The following DNAH7 variants were observed in gnomAD, a reference collection of about 807,000 sequenced individuals.
DNAH7 encodes dynein axonemal heavy chain 7, also known as axonemal beta dynein heavy chain 7.
A neutral mutation model predicts 444.6 loss-of-function variants in DNAH7; 397 were observed. The ratio of observed to expected loss-of-function variants is 0.89; its 90% CI spans 0.82 to 0.97. The LOEUF (loss-of-function observed/expected upper bound fraction) is 0.97, where lower values mean the gene tolerates loss of function less well. Ranked by LOEUF, DNAH7 falls within the 50% of genes least tolerant of loss-of-function variation. The probability of loss-of-function intolerance (pLI) is 0.00; values close to 1 mark genes in which losing one functional copy is unlikely to be tolerated. For missense variants in DNAH7, 4,902 were observed against 4,800.8 expected (o/e 1.02, Z -0.62); for synonymous variants, 1,636 against 1,624.4 (o/e 1.01, Z -0.17).
At chr2:195,933,659 A>G (rs566785080) in intron 21 of DNAH7, among the ~76,000 whole-genome samples, 4 of 150,938 alleles carry the variant, frequency 2.7e-5, no homozygotes, top group Non-Finnish European at 5.9e-5. Flanking sequence ...ACAAAAAACC[A>G]AACACCGCAT....
intron 49 of DNAH7, among the ~76,000 whole-genome samples, chr2:195,818,799 C>A (rs966780277): frequency 2.6e-5 from 4 of 152,120 alleles, no homozygotes; most frequent in African/African-American, 4.8e-5. Context: ...ACCTTGGCTT[C>A]ATTTGAAATC....
chr2:195,778,639 AATAAAT>A (rs1165155559), intron 58 of DNAH7, among the ~76,000 whole-genome samples: 1 of 51,712 alleles, frequency 1.9e-5, no homozygotes, highest in African/African-American at 9.9e-5. Flanking sequence ...AAAATAAATA[AATAAAT>A]ATATATATAT....
chr2:195,799,868 T>C (rs191271910), intron 54 of DNAH7, among the ~76,000 whole-genome samples: 35 of 152,268 alleles, frequency 2.3e-4, no homozygotes, highest in African/African-American at 5.5e-4. Flanking sequence ...CCAGAAAGAA[T>C]TGATGTCACT....
At chr2:196,005,710 T>G (rs947578986) in intron 10 of DNAH7, among the ~76,000 whole-genome samples, 1 of 151,982 alleles carries the variant, frequency 6.6e-6, no homozygotes, top group Admixed American at 6.6e-5. Flanking sequence ...AGAGATCAAA[T>G]TAATATTAAT....
chr2:195,872,273 T>G lies in DNAH7; in HGVS notation c.6610A>C (p.Ile2204Leu), dbSNP rs1440012458. The change falls in exon 40 of 65, where the codon ATT becomes CTT. Residue 2204 changes from isoleucine to leucine, a missense_variant. By Grantham distance (5) the Ile-to-Leu change is conservative (BLOSUM62 2). Coordinates refer to ENST00000312428, the MANE Select transcript of DNAH7 (RefSeq NM_018897.3). ...ACCTCATGAACCCAAAGACGTTTAA[T>G]CACTTCTGTGGTTTCTGTTGTTTCT... ...RPETTETTEV[I>L]KRLWVHEVLR... 2 of 1,613,366 alleles carry G rather than the reference T, an allele frequency of 1.2e-6. No homozygotes were observed. The highest frequency in any genetic ancestry group is 8.5e-7 in the Non-Finnish European group (1 of 1,179,620).
At position 195,936,757 on chromosome 2, in the gene DNAH7, T is replaced by C. The variant is rs1689081321; in HGVS notation, c.3114A>G (p.Arg1038=). ...TAGATTTTTTCAGCCTTTCCAGCATTCTGTCAATGGTTACAACTGTCAGAA... is the reference window on the plus strand; with the variant it reads ...TAGATTTTTTCAGCCTTTCCAGCATCCTGTCAATGGTTACAACTGTCAGAA... ...KHVLTVVTID[R]MLERLKKSNE... The change falls in exon 20 of 65, where the codon AGA becomes AGG. Residue 1038 remains arginine (R), a synonymous_variant. Transcript: ENST00000312428. 5 of 1,589,910 alleles carry C rather than the reference T, an allele frequency of 3.1e-6. No homozygotes were observed. The highest frequency in any genetic ancestry group is 4.3e-6 in the Non-Finnish European group (5 of 1,170,526).
chr2:196,039,411 A>G (rs1357438328), intron 5 of DNAH7, among the ~76,000 whole-genome samples: 2 of 152,218 alleles, frequency 1.3e-5, no homozygotes, highest in Non-Finnish European at 2.9e-5. Context: ...TCAAATAAAC[A>G]ACATAAAAAC....
At chr2:195,871,724 G>T (rs1236713425) in intron 40 of DNAH7, among the ~76,000 whole-genome samples, 2 of 84,082 alleles carry the variant, frequency 2.4e-5, no homozygotes, top group Non-Finnish European at 4.2e-5. Flanking sequence ...GAGGTCAGGA[G>T]ATCGAGACCA....
At chr2:195,747,748 C>G (rs1283855838) in intron 63 of DNAH7, among the ~76,000 whole-genome samples, 9 of 152,140 alleles carry the variant, frequency 5.9e-5, no homozygotes, top group South Asian at 2.1e-4. Flanking sequence ...ATGATTATCT[C>G]AATAGATGCA....
At chr2:195,958,812 C>G (rs1690876947) in intron 18 of DNAH7, among the ~76,000 whole-genome samples, 1 of 152,116 alleles carries the variant, frequency 6.6e-6, no homozygotes, top group Admixed American at 6.6e-5. Flanking sequence ...ATTGTAACAT[C>G]TATTTATCAA....
intron 47 of DNAH7, among the ~76,000 whole-genome samples, chr2:195,837,284 T>C (rs776369155): frequency 7.2e-5 from 11 of 152,202 alleles, no homozygotes; most frequent in Non-Finnish European, 1.6e-4. Context: ...GCACAGAAAA[T>C]ACTTGTCCAA....
chr2:195,856,075 CTTACTA>C (rs1699686097), intron 44 of DNAH7, 84 bp from the exon 45 acceptor site: 1 of 1,239,648 alleles, frequency 8.1e-7, no homozygotes, highest in Non-Finnish European at 1.1e-6. Context: ...TTCTAATACC[CTTACTA>C]TAACTGAAAA....
chr2:195,990,840 T>TATATATACTTAAATATATATAC (rs1693265642), intron 12 of DNAH7, among the ~76,000 whole-genome samples: 6 of 145,998 alleles, frequency 4.1e-5, no homozygotes, highest in South Asian at 4.2e-4. Flanking sequence ...TATATATACA[T>TATATATACTTAAATATATATAC]ATATATACTT....
At chr2:196,000,957 A>G (rs1693997777) in intron 11 of DNAH7, 74 bp from the exon 12 acceptor site, 3 of 1,186,368 alleles carry the variant, frequency 2.5e-6, no homozygotes, top group South Asian at 4.4e-5. Context: ...ACCAGTCCCA[A>G]TTAGAATACA....
At chr2:195,972,161 T>C (rs1691888883) in intron 16 of DNAH7, 81 bp downstream of exon 16, 1 of 1,186,438 alleles carries the variant, frequency 8.4e-7, no homozygotes, top group Non-Finnish European at 1.2e-6. Flanking sequence ...TGCACTCAAA[T>C]AAAATAATTG....
chr2:195,869,849 T>C (rs1241561119), intron 40 of DNAH7, among the ~76,000 whole-genome samples: 1 of 152,210 alleles, frequency 6.6e-6, no homozygotes, highest in East Asian at 1.9e-4. Flanking sequence ...GGTTTTGAGC[T>C]GAGGACTAAA....
chr2:196,037,278 T>C (rs924013052), intron 5 of DNAH7, among the ~76,000 whole-genome samples: 11 of 151,648 alleles, frequency 7.3e-5, no homozygotes, highest in African/African-American at 2.7e-4. Flanking sequence ...CTTCATAAAA[T>C]TGGAAGAAGT....
chr2:195,912,219 T>C (rs1160768577), intron 24 of DNAH7, among the ~76,000 whole-genome samples: 1 of 152,052 alleles, frequency 6.6e-6, no homozygotes, highest in Non-Finnish European at 1.5e-5. Context: ...CACTTTTCCC[T>C]CTCCCAAGCT....
chr2:195,953,769 C>T (rs1012894952), intron 19 of DNAH7, among the ~76,000 whole-genome samples: 3 of 152,188 alleles, frequency 2.0e-5, no homozygotes, highest in Admixed American at 6.5e-5. Context: ...ACAGTATTTA[C>T]ATCCTATTTT....
Sources: gnomAD v4.1 joint callset for allele counts (sites outside exome capture counted in the v4.1 genomes callset) on GRCh38, gnomAD v4.1.1 for gene constraint, MANE v1.5 for transcripts, NCBI Gene and HGNC (gene_info 2026-07-23, HGNC 2026-07-21) for gene names.